The following CTNNA3 variants were observed in gnomAD, a reference collection of about 807,000 sequenced individuals.
CTNNA3 encodes catenin alpha-3.
A neutral mutation model predicts 95.7 loss-of-function variants in CTNNA3; 76 were observed. The ratio of observed to expected loss-of-function variants is 0.79; its 90% CI spans 0.66 to 0.96. CTNNA3 has a LOEUF of 0.96. Ranked by LOEUF, CTNNA3 falls within the 40% of genes least tolerant of loss-of-function variation. The pLI is 0.00. For synonymous variants in CTNNA3, 431 were observed against 374.4 expected (o/e 1.15, Z -1.74); for missense variants, 1,191 against 1,089.8 (o/e 1.09, Z -1.31).
intron 5 of CTNNA3, among the ~76,000 whole-genome samples, chr10:67,437,725 T>C (rs1846350775): frequency 6.6e-6 from 1 of 152,000 alleles, no homozygotes; most frequent in African/African-American, 2.4e-5. Flanking sequence ...ATGTGGTAAT[T>C]AGTTTTATAA....
At chr10:66,020,824 ACCATAC>A (rs1409235849) in intron 15 of CTNNA3, among the ~76,000 whole-genome samples, 1 of 152,034 alleles carries the variant, frequency 6.6e-6, no homozygotes, top group Non-Finnish European at 1.5e-5. Flanking sequence ...GGCACCTGCC[ACCATAC>A]CCAGCTAATT....
chr10:66,362,577 GT>G (rs972441226), intron 12 of CTNNA3, among the ~76,000 whole-genome samples: 4 of 151,940 alleles, frequency 2.6e-5, no homozygotes, highest in African/African-American at 9.7e-5. Context: ...GCCGGGTGTG[GT>G]GGTGTATGCC....
intron 1 of CTNNA3, among the ~76,000 whole-genome samples, chr10:67,665,362 G>A (rs139312664): frequency 9.2e-5 from 14 of 152,190 alleles, no homozygotes; most frequent in Middle Eastern, 3.4e-3. Flanking sequence ...TTACTAAAAC[G>A]AAAATTAGTT....
At chr10:67,312,115 C>G (rs933846607) in intron 5 of CTNNA3, among the ~76,000 whole-genome samples, 2 of 151,730 alleles carry the variant, frequency 1.3e-5, no homozygotes, top group African/African-American at 4.8e-5. Flanking sequence ...CTCTGTCACC[C>G]AGGCTGGAGT....
intron 6 of CTNNA3, 108 bp from the exon 7 acceptor site, chr10:67,180,628 A>G: frequency 1.1e-6 from 1 of 877,096 alleles, no homozygotes; most frequent in Non-Finnish European, 1.8e-6. Flanking sequence ...GATAATAAAG[A>G]GAACTGTGTT....
chr10:66,989,800 C>T (rs1850940058), intron 7 of CTNNA3, among the ~76,000 whole-genome samples: 1 of 152,124 alleles, frequency 6.6e-6, no homozygotes, highest in South Asian at 2.1e-4. Context: ...GGTCTGAGCT[C>T]ATCCAGGAAA....
In CTNNA3 at chr10:66,174,239, G is replaced by A. The variant is rs181769264; in HGVS notation, c.1885-70990C>T. ...AGGCTCTTATTTAGTATAATACTAT[G>A]CAAATATTTTATTTAGAGACATTTT... is the stretch of plus-strand genomic sequence containing the variant. On this transcript the variant is annotated intron_variant, in intron 13 of 17. Transcript: ENST00000433211. 2.7e-3 allele frequency among the ~76,000 whole-genome samples: 410 copies of A among 152,156 alleles called. 2 individuals carry two copies. Among genetic ancestry groups the A allele is most frequent in the African/African-American group, 9.3e-3 (385 of 41,524 alleles).
At position 66,927,832 on chromosome 10, in the gene CTNNA3, G is replaced by A; in HGVS notation, c.1048-152308C>T. ...TTTGGATTCTTGGATATCCCTCAAT[G>A]ACATCAGTCTTGCTGGGAATATATG... On this transcript the variant is annotated intron_variant, in intron 7 of 17. Coordinates refer to ENST00000433211, the MANE Select transcript of CTNNA3 (RefSeq NM_013266.4). The surrounding 1 kb of genome is among the most constrained non-coding windows in gnomAD (Gnocchi z 4.7). The A allele has an allele frequency of 6.2e-7, 1 of 1,614,182 alleles. No homozygotes were observed.
At chr10:66,246,922 G>T (rs949157916) in intron 13 of CTNNA3, among the ~76,000 whole-genome samples, 1 of 151,776 alleles carries the variant, frequency 6.6e-6, no homozygotes, top group Non-Finnish European at 1.5e-5. Context: ...ATGTAGTGGT[G>T]GGTGCCTGTA....
chr10:67,266,341 T>C (rs373535781), intron 5 of CTNNA3, among the ~76,000 whole-genome samples: 68 of 152,278 alleles, frequency 4.5e-4, no homozygotes, highest in African/African-American at 1.6e-3. Flanking sequence ...TATCCTCCCC[T>C]GTCCCCTCCA....
rs2133085786 is a variant in CTNNA3 at position 65,913,511 on chromosome 10, AAATAGCACATCTTAACCCTGCAAGAC to A, written c.*6793_*6818del. On this transcript the variant is annotated 3_prime_UTR_variant, in exon 18 of 18. Coordinates refer to ENST00000433211, the MANE Select transcript of CTNNA3 (RefSeq NM_013266.4). ...CATGAGAAAAATTTGCAAAATCAACAAATAGCACATCTTAACCCTGCAAGACAGTTGCTGAAATTCTCATATTTATA... is the reference window on the plus strand; with the variant it reads ...CATGAGAAAAATTTGCAAAATCAACAAGTTGCTGAAATTCTCATATTTATA... 6.6e-6 allele frequency: 1 copy of A among 152,258 alleles called. No homozygotes were observed. Among genetic ancestry groups the A allele is most frequent in the South Asian group, 2.1e-4 (1 of 4,822 alleles). 9.4% of individuals were successfully genotyped at this position (152,258 alleles called of 1,614,324 possible). A position where few individuals can be genotyped will look rare whatever the true frequency, so the allele number is the denominator to read the frequency against.
At chr10:67,097,484 A>G (rs1858073310) in intron 7 of CTNNA3, 2 of 971,770 alleles carry the variant, frequency 2.1e-6, no homozygotes, top group Admixed American at 3.7e-5. Context: ...GGCCACAGAT[A>G]TAACCATGGA....
intron 5 of CTNNA3, among the ~76,000 whole-genome samples, chr10:67,358,300 C>G (rs542586845): frequency 6.6e-6 from 1 of 152,244 alleles, no homozygotes; most frequent in African/African-American, 2.4e-5. Flanking sequence ...CATTTTGCTT[C>G]TCAAAAGACA....
At chr10:66,922,500 T>C (rs923968821) in intron 7 of CTNNA3, among the ~76,000 whole-genome samples, 3 of 152,300 alleles carry the variant, frequency 2.0e-5, no homozygotes, top group African/African-American at 7.2e-5. Context: ...TTATTTTGTT[T>C]TGGATTTCTC....
At chr10:66,735,418 G>A (rs1166554300) in intron 9 of CTNNA3, among the ~76,000 whole-genome samples, 1 of 151,790 alleles carries the variant, frequency 6.6e-6, no homozygotes, top group Non-Finnish European at 1.5e-5. Flanking sequence ...TTTATTTTCT[G>A]GCTCAATTTA....
At chr10:67,361,216 A>G (rs539666036) in intron 5 of CTNNA3, among the ~76,000 whole-genome samples, 3 of 152,288 alleles carry the variant, frequency 2.0e-5, no homozygotes, top group African/African-American at 7.2e-5. Context: ...TAGACAGATC[A>G]CTGAGGCAGA....
At chr10:67,082,798 T>G (rs1857116558) in intron 7 of CTNNA3, among the ~76,000 whole-genome samples, 1 of 152,198 alleles carries the variant, frequency 6.6e-6, no homozygotes, top group African/African-American at 2.4e-5. Flanking sequence ...GGATTAGATA[T>G]CAGTCATGAA....
At chr10:67,425,841 G>GA (rs1845905848) in intron 5 of CTNNA3, among the ~76,000 whole-genome samples, 1 of 152,022 alleles carries the variant, frequency 6.6e-6, no homozygotes, top group Non-Finnish European at 1.5e-5. Context: ...TTTGTGGAGT[G>GA]AAAATTATCA....
At chr10:67,602,308 A>G (rs1843108461) in intron 3 of CTNNA3, among the ~76,000 whole-genome samples, 1 of 152,184 alleles carries the variant, frequency 6.6e-6, no homozygotes, top group Non-Finnish European at 1.5e-5. Flanking sequence ...TGAGCTTAAA[A>G]TTCCTTCCAA....
Sources: allele counts gnomAD v4.1 joint callset (sites outside exome capture counted in the v4.1 genomes callset), GRCh38; gene constraint gnomAD v4.1.1; non-coding constraint Gnocchi (gnomAD v3.1); transcripts MANE v1.5; gene names NCBI Gene and HGNC (gene_info 2026-07-23, HGNC 2026-07-21).